Variants in RBFOX1 observed in about 807,000 individuals in gnomAD.
The protein encoded by RBFOX1 is RNA binding fox-1 homolog 1.
RBFOX1 carries 8 observed loss-of-function variants against 57.7 expected under a neutral mutation model. That is an observed-to-expected ratio of 0.14 (90% CI 0.08 to 0.25). RBFOX1 has a LOEUF of 0.25. Among genes scored for constraint, RBFOX1 ranks in the 10% least tolerant of loss-of-function variants. The pLI is 1.00. For synonymous variants in RBFOX1, 326 were observed against 222.4 expected (o/e 1.47, Z -4.15); for missense variants, 611 against 548.5 (o/e 1.11, Z -1.14).
At chr16:7,335,091 C>G (rs1189798176) in intron 4 of RBFOX1, among the ~76,000 whole-genome samples, 1 of 152,130 alleles carries the variant, frequency 6.6e-6, no homozygotes, top group South Asian at 2.1e-4. Context: ...CATCAAGTAG[C>G]TAAAATCACC....
At chr16:5,815,188 C>G (rs1248376471) in intron 3 of RBFOX1, among the ~76,000 whole-genome samples, 1 of 124,132 alleles carries the variant, frequency 8.1e-6, no homozygotes, top group Non-Finnish European at 1.6e-5. Flanking sequence ...TAGAGACAGT[C>G]TCACTATGTT....
chr16:7,029,752 A>G (rs979314142), intron 3 of RBFOX1, among the ~76,000 whole-genome samples: 19 of 152,322 alleles, frequency 1.2e-4, no homozygotes, highest in East Asian at 1.2e-3. Context: ...TTAATGGTTC[A>G]CTTGTTCAAT....
chr16:6,464,666 C>T (rs11644479), intron 2 of RBFOX1, among the ~76,000 whole-genome samples: 21,025 of 152,236 alleles, frequency 0.14, 2,275 homozygotes, highest in East Asian at 0.46. Flanking sequence ...GTTAATTCTT[C>T]GCAATGATTC....
intron 4 of RBFOX1, among the ~76,000 whole-genome samples, chr16:5,881,146 G>A (rs1010450783): frequency 2.6e-5 from 4 of 152,118 alleles, no homozygotes; most frequent in African/African-American, 9.7e-5. Context: ...TTCTATCTAG[G>A]AACCCCTGTA....
chr16:6,830,939 A>G (rs1319241669), intron 3 of RBFOX1, among the ~76,000 whole-genome samples: 4 of 152,184 alleles, frequency 2.6e-5, no homozygotes, highest in Admixed American at 6.5e-5. Context: ...CCTGTTGTGA[A>G]TCCATGGATA....
intron 1 of RBFOX1, among the ~76,000 whole-genome samples, chr16:5,433,022 G>A (rs955551206): frequency 6.6e-6 from 1 of 152,110 alleles, no homozygotes; most frequent in Non-Finnish European, 1.5e-5. Flanking sequence ...CTGACCTCAG[G>A]TTATTCCAGG....
chr16:7,241,460 G>C (rs188328633), intron 4 of RBFOX1, among the ~76,000 whole-genome samples: 7 of 152,190 alleles, frequency 4.6e-5, no homozygotes, highest in African/African-American at 1.7e-4. Context: ...AAACCCTTTG[G>C]TTCATTCAAG....
intron 2 of RBFOX1, among the ~76,000 whole-genome samples, chr16:6,474,073 T>A (rs1388587542): frequency 4.6e-5 from 7 of 152,130 alleles, no homozygotes; most frequent in Admixed American, 6.5e-5. Flanking sequence ...CTGCAAACTG[T>A]GGGTCAGATT....
At chr16:6,813,398 G>T (rs912948280) in intron 3 of RBFOX1, among the ~76,000 whole-genome samples, 8 of 152,072 alleles carry the variant, frequency 5.3e-5, no homozygotes, top group African/African-American at 1.9e-4. Flanking sequence ...ATGCTCGTAT[G>T]GGTTCCCAGG....
At position 5,947,742 on chromosome 16, in the gene RBFOX1, T is replaced by G. The variant is rs2059431633; in HGVS notation, c.351+80407T>G. ...ACCCTTTTTACTATGTCCAGGAACA[T>G]TCTTAAGGGGGTGTCTCCACCTAAC... is the stretch of plus-strand genomic sequence containing the variant. On this transcript the variant is annotated intron_variant, in intron 4 of 19. Coordinates refer to the RBFOX1 transcript ENST00000641259. The surrounding 1 kb of genome is among the most constrained non-coding windows in gnomAD (Gnocchi z 7.2). Among the ~76,000 whole-genome samples, 1 of 152,202 alleles carries G rather than the reference T, an allele frequency of 6.6e-6. No homozygotes were observed.
chr16:6,722,164 C>T (rs1034460204), intron 3 of RBFOX1, among the ~76,000 whole-genome samples: 6 of 152,150 alleles, frequency 3.9e-5, no homozygotes, highest in African/African-American at 1.2e-4. Flanking sequence ...GGTACATACC[C>T]AAAAATGGAA....
intron 2 of RBFOX1, among the ~76,000 whole-genome samples, chr16:6,414,636 G>C (rs949726975): frequency 1.3e-5 from 2 of 152,212 alleles, no homozygotes; most frequent in South Asian, 4.1e-4. Flanking sequence ...CTAGCACCAT[G>C]TCTGGAAAAT....
At chr16:6,407,569 C>CAGAG (rs71145224) in intron 2 of RBFOX1, among the ~76,000 whole-genome samples, 44 of 25,908 alleles carry the variant, frequency 1.7e-3, no homozygotes, top group Admixed American at 2.8e-3. Flanking sequence ...GTGTGTGTGA[C>CAGAG]AGAGAGAGAG....
intron 1 of RBFOX1, among the ~76,000 whole-genome samples, chr16:6,126,670 C>G (rs996261805): frequency 6.6e-6 from 1 of 152,072 alleles, no homozygotes; most frequent in Non-Finnish European, 1.5e-5. Flanking sequence ...GGTCTGGCTC[C>G]TCCCCTGGTT....
rs1212333780 is a variant in RBFOX1 at position 6,817,530 on chromosome 16, C to CT, written c.-16+162882dup. Among the ~76,000 whole-genome samples the CT allele has an allele frequency of 1.0e-2, 1,093 of 109,756 alleles. 17 individuals carry two copies. Among genetic ancestry groups the CT allele is most frequent in the African/African-American group, 0.034 (1,040 of 30,518 alleles). 72.0% of individuals were successfully genotyped at this position (109,756 alleles called of 152,430 possible). A position where few individuals can be genotyped will look rare whatever the true frequency, so the allele number is the denominator to read the frequency against. ...CCAGCATGGTGAAACCCTTTCTTTGCTTAAAAAAAAAAAAAAAAAAAAAAA... is the reference window on the plus strand; with the variant it reads ...CCAGCATGGTGAAACCCTTTCTTTGCTTTAAAAAAAAAAAAAAAAAAAAAAA... On this transcript the variant is annotated intron_variant, in intron 3 of 15. Transcript: ENST00000550418.
At chr16:6,678,758 C>G (rs866650884) in intron 3 of RBFOX1, among the ~76,000 whole-genome samples, 1 of 152,010 alleles carries the variant, frequency 6.6e-6, no homozygotes, top group African/African-American at 2.4e-5. Flanking sequence ...TGCTAAGATA[C>G]CACTGACTTG....
Position 7,265,150 on chromosome 16 carries a change from T to G in RBFOX1, c.27+213052T>G, listed in dbSNP as rs147576912. ...TCTGTTCTGCGCACTAAGGGTGCAG[T>G]GGTTATCTTAGTCTATCCAGTTGCC... is the stretch of plus-strand genomic sequence containing the variant. On this transcript the variant is annotated intron_variant, in intron 4 of 15. Transcript: ENST00000550418. 1.1e-4 allele frequency among the ~76,000 whole-genome samples: 17 copies of G among 152,346 alleles called. 1 individual carries two copies. The highest frequency in any genetic ancestry group is 4.1e-4 in the African/African-American group (17 of 41,590).
intron 3 of RBFOX1, among the ~76,000 whole-genome samples, chr16:6,946,092 A>G (rs1419713156): frequency 6.6e-6 from 1 of 152,234 alleles, no homozygotes; most frequent in African/African-American, 2.4e-5. Context: ...TTCAATGGGT[A>G]ACTCAGGATT....
chr16:6,845,987 A>G (rs554261250), intron 3 of RBFOX1, among the ~76,000 whole-genome samples: 34 of 152,322 alleles, frequency 2.2e-4, no homozygotes, highest in Admixed American at 8.5e-4. Context: ...TAATGCATCA[A>G]TGCATCTCTG....
Sources: allele counts gnomAD v4.1 joint callset (sites outside exome capture counted in the v4.1 genomes callset), GRCh38; gene constraint gnomAD v4.1.1; non-coding constraint Gnocchi (gnomAD v3.1); transcripts MANE v1.5; gene names NCBI Gene and HGNC (gene_info 2026-07-23, HGNC 2026-07-21).